Variants in GRM8 observed in about 807,000 individuals in gnomAD.
The protein encoded by GRM8 is metabotropic glutamate receptor 8.
A neutral mutation model predicts 87.2 loss-of-function variants in GRM8; 47 were observed. That is an observed-to-expected ratio of 0.54 (90% CI 0.43 to 0.69). GRM8 has a LOEUF of 0.69. Ranked by LOEUF, GRM8 falls within the 30% of genes least tolerant of loss-of-function variation. GRM8 has a pLI of 0.00. For missense variants in GRM8, 1,019 were observed against 1,139.2 expected (o/e 0.89, Z 1.52); for synonymous variants, 396 against 404.5 (o/e 0.98, Z 0.25).
intron 8 of GRM8, among the ~76,000 whole-genome samples, chr7:126,588,979 C>T (rs1441282153): frequency 1.3e-5 from 2 of 152,090 alleles, no homozygotes; most frequent in African/African-American, 4.8e-5. Flanking sequence ...CTCTCGGTCC[C>T]CAGGGAAGCC....
intron 7 of GRM8, among the ~76,000 whole-genome samples, chr7:126,717,719 G>T (rs924954600): frequency 3.3e-5 from 5 of 151,932 alleles, no homozygotes; most frequent in African/African-American, 1.2e-4. Flanking sequence ...AAAAATTTAG[G>T]AGGCAATAAT....
chr7:126,539,374 C>A (rs1356133568), intron 8 of GRM8, among the ~76,000 whole-genome samples: 3 of 151,976 alleles, frequency 2.0e-5, no homozygotes, highest in African/African-American at 7.2e-5. Context: ...CCACATTGAT[C>A]TGCATACATA....
intron 9 of GRM8, among the ~76,000 whole-genome samples, chr7:126,503,742 GC>G (rs779247662): frequency 6.6e-6 from 1 of 151,944 alleles, no homozygotes; most frequent in Non-Finnish European, 1.5e-5. Context: ...TGTGTATTAG[GC>G]CCTCCTTCCC....
intron 9 of GRM8, among the ~76,000 whole-genome samples, chr7:126,466,172 CT>C (rs575595847): frequency 3.1e-4 from 45 of 144,910 alleles, no homozygotes; most frequent in African/African-American, 6.1e-4. Context: ...AAAAAAGGTA[CT>C]TTTTTTTTAG....
intron 2 of GRM8, among the ~76,000 whole-genome samples, chr7:127,179,066 C>A (rs1794284415): frequency 6.6e-6 from 1 of 152,068 alleles, no homozygotes; most frequent in African/African-American, 2.4e-5. Flanking sequence ...AGATACAGAA[C>A]CACGGAATGG....
intron 7 of GRM8, among the ~76,000 whole-genome samples, chr7:126,609,731 G>T (rs979955916): frequency 2.9e-4 from 44 of 152,194 alleles, no homozygotes; most frequent in African/African-American, 1.0e-3. Context: ...GAAAGTAAAT[G>T]ATGAGTATCC....
intron 2 of GRM8, among the ~76,000 whole-genome samples, chr7:127,148,977 A>C (rs2133304533): frequency 6.6e-6 from 1 of 152,082 alleles, no homozygotes; most frequent in Admixed American, 6.6e-5. Context: ...AAACTATAAA[A>C]CTTCTAGAAG....
At chr7:127,166,432 T>C (rs1211743890) in intron 2 of GRM8, among the ~76,000 whole-genome samples, 1 of 152,134 alleles carries the variant, frequency 6.6e-6, no homozygotes, top group Non-Finnish European at 1.5e-5. Context: ...GCAACTCAGA[T>C]TAATAAACCT....
intron 6 of GRM8, among the ~76,000 whole-genome samples, chr7:126,846,747 A>G (rs974256318): frequency 3.9e-5 from 6 of 152,130 alleles, no homozygotes; most frequent in Non-Finnish European, 7.4e-5. Context: ...GAAGGAAGAA[A>G]GAAGGTTAAA....
chr7:127,187,075 T>G (rs969746174), intron 2 of GRM8, among the ~76,000 whole-genome samples: 1 of 152,204 alleles, frequency 6.6e-6, no homozygotes, highest in African/African-American at 2.4e-5. Flanking sequence ...GAGGCCCCTC[T>G]TACCTTCAAT....
intron 3 of GRM8, among the ~76,000 whole-genome samples, chr7:126,997,141 A>T (rs1813251044): frequency 7.1e-6 from 1 of 141,346 alleles, no homozygotes; most frequent in African/African-American, 2.7e-5. Flanking sequence ...AACAACAGGA[A>T]TTTTGTACAC....
At chr7:126,804,506 G>A (rs1792452737) in intron 6 of GRM8, among the ~76,000 whole-genome samples, 1 of 152,162 alleles carries the variant, frequency 6.6e-6, no homozygotes, top group African/African-American at 2.4e-5. Context: ...TGAAAAACCT[G>A]GCTTGAGAGC....
chr7:127,166,674 TTCTTA>T lies in GRM8; in HGVS notation c.511-59967_511-59963del, dbSNP rs1235973944. On this transcript the variant is annotated intron_variant, in intron 2 of 10. Transcript: ENST00000339582. ...AATTAATATGAGAGAGAATGTTGCTTTCTTATAACAAAAACTCAATCTCATCTCAC... is the reference window on the plus strand; with the variant it reads ...AATTAATATGAGAGAGAATGTTGCTTTAACAAAAACTCAATCTCATCTCAC... Among the ~76,000 whole-genome samples the T allele has an allele frequency of 3.3e-5, 5 of 152,272 alleles. No homozygotes were observed. In the East Asian group the frequency reaches 9.6e-4, roughly 29 times the overall value.
intron 3 of GRM8, among the ~76,000 whole-genome samples, chr7:127,071,301 C>T (rs568756454): frequency 5.3e-5 from 8 of 152,180 alleles, no homozygotes; most frequent in African/African-American, 1.7e-4. Flanking sequence ...TTCAACTCAA[C>T]TTTAAAAGGT....
intron 2 of GRM8, among the ~76,000 whole-genome samples, chr7:127,241,928 TTTA>T (rs1239962540): frequency 5.3e-5 from 8 of 152,206 alleles, no homozygotes; most frequent in African/African-American, 1.9e-4. Flanking sequence ...TAACAATAAC[TTTA>T]TTTTTACTGC....
intron 9 of GRM8, among the ~76,000 whole-genome samples, chr7:126,521,139 T>C (rs1812928294): frequency 6.6e-6 from 1 of 152,160 alleles, no homozygotes; most frequent in Admixed American, 6.6e-5. Flanking sequence ...ACATATGACA[T>C]TTAATCTTAT....
intron 3 of GRM8, among the ~76,000 whole-genome samples, chr7:126,999,629 G>A (rs540252211): frequency 2.0e-5 from 3 of 151,818 alleles, no homozygotes; most frequent in Non-Finnish European, 3.0e-5. Flanking sequence ...ACGGGCATAC[G>A]AAAAGGTGCT....
At chr7:127,045,231 T>C (rs1683598454) in intron 3 of GRM8, among the ~76,000 whole-genome samples, 1 of 152,172 alleles carries the variant, frequency 6.6e-6, no homozygotes, top group South Asian at 2.1e-4. Flanking sequence ...AAGAATTTTA[T>C]TTTCTGTTTT....
At chr7:126,502,296 G>T (rs568727618) in intron 9 of GRM8, among the ~76,000 whole-genome samples, 1 of 152,162 alleles carries the variant, frequency 6.6e-6, no homozygotes, top group South Asian at 2.1e-4. Flanking sequence ...ATGGTGGCAT[G>T]TTTGAGAGGT....
Sources: allele counts gnomAD v4.1 joint callset (sites outside exome capture counted in the v4.1 genomes callset), GRCh38; gene constraint gnomAD v4.1.1; transcripts MANE v1.5; gene names NCBI Gene and HGNC (gene_info 2026-07-23, HGNC 2026-07-21).